The following CUX1 variants were observed in gnomAD, a reference collection of about 807,000 sequenced individuals.
The protein encoded by CUX1 is cut like homeobox 1, also known as protein CASP.
Under a neutral mutation model 158.8 loss-of-function variants are expected in CUX1, and 31 were observed. The observed-to-expected ratio is 0.20, with a 90% confidence interval of 0.15 to 0.26. CUX1 has a LOEUF of 0.26. Among genes scored for constraint, CUX1 ranks in the 10% least tolerant of loss-of-function variants. The pLI is 1.00. For synonymous variants in CUX1, 879 were observed against 862.1 expected (o/e 1.02, Z -0.34); for missense variants, 1,589 against 2,014.6 (o/e 0.79, Z 4.04).
intron 8 of CUX1, among the ~76,000 whole-genome samples, chr7:102,155,408 T>C (rs1414024092): frequency 6.7e-6 from 1 of 150,256 alleles, no homozygotes; most frequent in Non-Finnish European, 1.5e-5. Context: ...AAATTAGGTA[T>C]GCTGGCGTAC....
At chr7:102,123,602 C>A (rs1162558774) in intron 8 of CUX1, among the ~76,000 whole-genome samples, 1 of 135,962 alleles carries the variant, frequency 7.4e-6, no homozygotes, top group Non-Finnish European at 1.5e-5. Context: ...GAGTGAGACT[C>A]CGTCTCAAAA....
chr7:101,863,649 C>A (rs367656073), intron 1 of CUX1, among the ~76,000 whole-genome samples: 3 of 152,216 alleles, frequency 2.0e-5, no homozygotes, highest in African/African-American at 7.2e-5. Flanking sequence ...CTGCGCCCAG[C>A]CAGGGCTCTT....
chr7:102,177,629 T>TCTTCCCC (rs1422907133), intron 10 of CUX1, among the ~76,000 whole-genome samples: 2 of 151,846 alleles, frequency 1.3e-5, no homozygotes, highest in Non-Finnish European at 2.9e-5. Flanking sequence ...CACTCTTCCC[T>TCTTCCCC]CTTCCCCAAC....
chr7:101,983,336 G>A (rs1172667288), intron 2 of CUX1, among the ~76,000 whole-genome samples: 1 of 152,126 alleles, frequency 6.6e-6, no homozygotes, highest in Non-Finnish European at 1.5e-5. Flanking sequence ...CCCAGGTGTG[G>A]TCTCCAGCCC....
chr7:102,069,048 C>G (rs1825849419), intron 3 of CUX1, among the ~76,000 whole-genome samples: 1 of 152,178 alleles, frequency 6.6e-6, no homozygotes, highest in Non-Finnish European at 1.5e-5. Flanking sequence ...CTCAATTCAC[C>G]TGGTTCTTCT....
chr7:101,863,598 G>A (rs770109001), intron 1 of CUX1, among the ~76,000 whole-genome samples: 9 of 152,154 alleles, frequency 5.9e-5, no homozygotes, highest in African/African-American at 1.9e-4. Flanking sequence ...TGATCCACCC[G>A]CCTCGGCCTC....
intron 5 of CUX1, among the ~76,000 whole-genome samples, chr7:102,099,068 G>T (rs1563240086): frequency 2.0e-5 from 3 of 152,308 alleles, no homozygotes; most frequent in South Asian, 4.1e-4. Flanking sequence ...GTGATGATGT[G>T]TGAAGAGCCA....
intron 2 of CUX1, among the ~76,000 whole-genome samples, chr7:101,940,066 C>T (rs1239496351): frequency 5.1e-5 from 7 of 137,988 alleles, no homozygotes; most frequent in South Asian, 4.7e-4. Flanking sequence ...GGCAATAGAG[C>T]GAGACTCCAT....
At chr7:102,064,288 G>A (rs894267117) in intron 3 of CUX1, among the ~76,000 whole-genome samples, 18 of 152,200 alleles carry the variant, frequency 1.2e-4, no homozygotes, top group African/African-American at 4.3e-4. Context: ...GGGCTCAAGC[G>A]ACTCTCCCAC....
intron 3 of CUX1, among the ~76,000 whole-genome samples, chr7:102,031,978 C>T (rs1344649254): frequency 6.7e-6 from 1 of 150,296 alleles, no homozygotes; most frequent in Non-Finnish European, 1.5e-5. Context: ...GGGTGGAGAG[C>T]AGGGTGGCAT....
At chr7:101,889,415 TC>T (rs1348811163) in intron 1 of CUX1, among the ~76,000 whole-genome samples, 4 of 152,182 alleles carry the variant, frequency 2.6e-5, no homozygotes, top group Admixed American at 6.5e-5. Context: ...TTTACTTACT[TC>T]CAGCTTTATG....
At chr7:102,121,209 T>A (rs1831993817) in intron 8 of CUX1, among the ~76,000 whole-genome samples, 1 of 152,162 alleles carries the variant, frequency 6.6e-6, no homozygotes, top group Admixed American at 6.6e-5. Context: ...TGTTAGTTAT[T>A]CAGGCTGGAG....
intron 8 of CUX1, among the ~76,000 whole-genome samples, chr7:102,137,805 G>A (rs1554499136): frequency 1.3e-5 from 2 of 151,834 alleles, no homozygotes; most frequent in African/African-American, 4.8e-5. Context: ...GTGCCATTTA[G>A]CATTTCTTAT....
intron 4 of CUX1, among the ~76,000 whole-genome samples, chr7:102,074,640 C>G (rs942437968): frequency 6.6e-6 from 1 of 152,338 alleles, no homozygotes; most frequent in Middle Eastern, 3.4e-3. Flanking sequence ...GAGTCCTCAG[C>G]AGCGGAGTTC....
Position 102,252,873 on chromosome 7 carries a change from C to G in CUX1, c.*3831C>G, listed in dbSNP as rs187989836. 1.0e-4 allele frequency: 102 copies of G among 985,456 alleles called. No homozygotes were observed. The African/African-American group carries it at 1.6e-3, about 15-fold the overall frequency. 61.0% of individuals were successfully genotyped at this position (985,456 alleles called of 1,614,324 possible). A position where few individuals can be genotyped will look rare whatever the true frequency, so the allele number is the denominator to read the frequency against. The stretch of plus-strand genomic sequence containing the variant: ...GCTCAATTGGATTCTTCTAGACGAT[C>G]TTAGGAGGCATCTTGGCATGAGGCA... On this transcript the variant is annotated 3_prime_UTR_variant, in exon 24 of 24. Coordinates refer to ENST00000292535, the MANE Select transcript of CUX1 (RefSeq NM_181552.4).
At chr7:101,876,698 AAAAAAG>A (rs1562956182) in intron 1 of CUX1, among the ~76,000 whole-genome samples, 1 of 152,240 alleles carries the variant, frequency 6.6e-6, no homozygotes, top group African/African-American at 2.4e-5. Flanking sequence ...CGTCTAAAAA[AAAAAAG>A]AAAAATGAAA....
intron 1 of CUX1, among the ~76,000 whole-genome samples, chr7:101,876,910 G>A (rs942640090): frequency 3.9e-5 from 5 of 129,524 alleles, no homozygotes; most frequent in African/African-American, 1.3e-4. Flanking sequence ...CACCGCACCC[G>A]GCCTCTGATC....
intron 2 of CUX1, among the ~76,000 whole-genome samples, chr7:101,951,187 C>T (rs529065465): frequency 1.2e-4 from 18 of 152,034 alleles, no homozygotes; most frequent in African/African-American, 3.9e-4. Context: ...AAAAATAAGC[C>T]GGGTGTGGTG....
At chr7:102,097,237 A>G in intron 4 of CUX1, 127 bp from the exon 5 acceptor site, 1 of 1,144,052 alleles carries the variant, frequency 8.7e-7, no homozygotes, top group Non-Finnish European at 1.2e-6. Flanking sequence ...CTGCAGGGGC[A>G]TGACTGTGGC....
Sources: gnomAD v4.1 joint callset for allele counts (sites outside exome capture counted in the v4.1 genomes callset) on GRCh38, gnomAD v4.1.1 for gene constraint, MANE v1.5 for transcripts, NCBI Gene and HGNC (gene_info 2026-07-23, HGNC 2026-07-21) for gene names.